The following BACH2 variants were observed in gnomAD, a reference collection of about 807,000 sequenced individuals.
The protein encoded by BACH2 is BACH transcriptional regulator 2.
Under a neutral mutation model 61.8 loss-of-function variants are expected in BACH2, and 5 were observed. The observed-to-expected ratio is 0.08, with a 90% confidence interval of 0.04 to 0.17. The LOEUF (loss-of-function observed/expected upper bound fraction) is 0.17. Ranked by LOEUF, BACH2 falls within the 10% of genes least tolerant of loss-of-function variation. BACH2 has a pLI of 1.00. For synonymous variants in BACH2, 446 were observed against 440.1 expected (o/e 1.01, Z -0.17); for missense variants, 824 against 1,091.1 (o/e 0.76, Z 3.45).
At chr6:90,204,576 C>T (rs1037334163) in intron 4 of BACH2, among the ~76,000 whole-genome samples, 8 of 152,216 alleles carry the variant, frequency 5.3e-5, no homozygotes, top group African/African-American at 1.4e-4. Flanking sequence ...TTGACATTTC[C>T]GAGGAGTCTG....
chr6:90,295,615 C>T (rs1174657851), intron 1 of BACH2, among the ~76,000 whole-genome samples: 1 of 151,948 alleles, frequency 6.6e-6, no homozygotes, highest in South Asian at 2.1e-4. Context: ...AAACCAGTCT[C>T]CTGGGTGAAG....
intron 6 of BACH2, among the ~76,000 whole-genome samples, chr6:89,966,548 C>A (rs1775056644): frequency 6.6e-6 from 1 of 152,344 alleles, no homozygotes; most frequent in East Asian, 1.9e-4. Context: ...AACACCCACG[C>A]CCCTGAATAA....
At chr6:90,195,429 A>G (rs997197645) in intron 4 of BACH2, among the ~76,000 whole-genome samples, 18 of 152,160 alleles carry the variant, frequency 1.2e-4, no homozygotes, top group Admixed American at 6.6e-4. Flanking sequence ...CAGTTTATAA[A>G]TCACCTTGGA....
chr6:90,252,218 A>G (rs533349307), intron 3 of BACH2, among the ~76,000 whole-genome samples: 2 of 152,318 alleles, frequency 1.3e-5, no homozygotes, highest in East Asian at 3.9e-4. Context: ...ACTTGGTGAC[A>G]GACAGCTTTT....
intron 3 of BACH2, among the ~76,000 whole-genome samples, chr6:90,209,385 A>T (rs1278038875): frequency 6.6e-6 from 1 of 152,208 alleles, no homozygotes; most frequent in Non-Finnish European, 1.5e-5. Context: ...ATTGATCTTA[A>T]AGTGACTGAA....
intron 4 of BACH2, among the ~76,000 whole-genome samples, chr6:90,146,816 A>G (rs1166616710): frequency 6.6e-6 from 1 of 152,258 alleles, no homozygotes; most frequent in Non-Finnish European, 1.5e-5. Flanking sequence ...CTCTGGGAGT[A>G]AACTATAAGA....
At chr6:90,203,415 A>C (rs1198292211) in intron 4 of BACH2, among the ~76,000 whole-genome samples, 1 of 140,990 alleles carries the variant, frequency 7.1e-6, no homozygotes, top group East Asian at 2.0e-4. Context: ...AAAAAAAAAA[A>C]AGAGTTAAAT....
intron 5 of BACH2, among the ~76,000 whole-genome samples, chr6:90,033,194 C>A (rs2127788675): frequency 6.6e-6 from 1 of 151,580 alleles, no homozygotes; most frequent in Non-Finnish European, 1.5e-5. Flanking sequence ...ACATCACACA[C>A]TGGGGCCTGT....
intron 6 of BACH2, among the ~76,000 whole-genome samples, chr6:89,980,605 AG>A (rs1775897863): frequency 6.6e-6 from 1 of 152,166 alleles, no homozygotes; most frequent in South Asian, 2.1e-4. Context: ...AGGGAGGAGA[AG>A]GGCTAGGTGT....
chr6:90,172,426 T>A (rs1039796799), intron 4 of BACH2, among the ~76,000 whole-genome samples: 1 of 151,814 alleles, frequency 6.6e-6, no homozygotes, highest in African/African-American at 2.4e-5. Flanking sequence ...AAGGCAGCAT[T>A]CAAAATAATT....
At position 90,293,199 on chromosome 6, in the gene BACH2, C is replaced by G. The variant is rs543219547; in HGVS notation, c.-446+3281G>C. On this transcript the variant is annotated intron_variant, in intron 1 of 8. Coordinates refer to ENST00000257749, the MANE Select transcript of BACH2 (RefSeq NM_021813.4). ...ATGAAGCTAGTACTGGCTCTCACCC[C>G]CTGGACACACAGGAAGATATTTATT... 4.7e-4 allele frequency among the ~76,000 whole-genome samples: 71 copies of G among 152,298 alleles called. 2 individuals are homozygous for G. In the South Asian group the frequency reaches 0.015, roughly 31 times the overall value.
intron 5 of BACH2, among the ~76,000 whole-genome samples, chr6:90,048,914 T>C (rs1779910480): frequency 2.6e-5 from 4 of 152,204 alleles, no homozygotes; most frequent in Admixed American, 2.6e-4. Flanking sequence ...TTGTTGACCT[T>C]CAGATACTTT....
chr6:90,020,328 T>C (rs944557792), intron 5 of BACH2, among the ~76,000 whole-genome samples: 9 of 152,180 alleles, frequency 5.9e-5, no homozygotes, highest in African/African-American at 2.2e-4. Context: ...CATTAAGACA[T>C]AGGGCCTTCA....
chr6:90,025,811 TCAG>T (rs1778605279), intron 5 of BACH2, among the ~76,000 whole-genome samples: 2 of 152,350 alleles, frequency 1.3e-5, no homozygotes, highest in South Asian at 4.1e-4. Flanking sequence ...AGAGCAATCT[TCAG>T]TCTGCCTGGA....
intron 5 of BACH2, among the ~76,000 whole-genome samples, chr6:90,045,568 C>T (rs1173088220): frequency 2.0e-5 from 3 of 152,120 alleles, no homozygotes; most frequent in Non-Finnish European, 2.9e-5. Context: ...TAATCTTTGC[C>T]GTAAGTCCGA....
chr6:90,130,773 G>C (rs1230213272), intron 4 of BACH2, among the ~76,000 whole-genome samples: 2 of 152,226 alleles, frequency 1.3e-5, no homozygotes, highest in East Asian at 3.9e-4. Flanking sequence ...TTACGCGAAG[G>C]TGGTGAAGTT....
chr6:90,179,581 A>C (rs911489252), intron 4 of BACH2, among the ~76,000 whole-genome samples: 2 of 152,184 alleles, frequency 1.3e-5, no homozygotes, highest in African/African-American at 2.4e-5. Context: ...TAACTGAGTA[A>C]CTATAAGAAA....
chr6:90,156,176 T>A (rs151180100), intron 4 of BACH2, among the ~76,000 whole-genome samples: 126 of 152,154 alleles, frequency 8.3e-4, no homozygotes, highest in South Asian at 3.7e-3. Context: ...GAAACTGAGG[T>A]AGGTATCGAG....
At chr6:90,086,166 T>G (rs1043062475) in intron 5 of BACH2, among the ~76,000 whole-genome samples, 14 of 152,206 alleles carry the variant, frequency 9.2e-5, no homozygotes, top group Admixed American at 5.2e-4. Context: ...ATTTCATCTT[T>G]TTAAAGGCTG....
Sources: gnomAD v4.1 joint callset for allele counts (sites outside exome capture counted in the v4.1 genomes callset) on GRCh38, gnomAD v4.1.1 for gene constraint, MANE v1.5 for transcripts, NCBI Gene and HGNC (gene_info 2026-07-23, HGNC 2026-07-21) for gene names.